TENM3: variants seen among roughly 807,000 people sequenced by gnomAD.
TENM3 encodes teneurin-3.
TENM3 carries 63 observed loss-of-function variants against 255.1 expected under a neutral mutation model. The observed-to-expected ratio is 0.25, with a 90% confidence interval of 0.20 to 0.30. The LOEUF (loss-of-function observed/expected upper bound fraction) is 0.30. TENM3 is among the 10% of genes least tolerant of loss of function. The pLI is 1.00. For missense variants in TENM3, 2,929 were observed against 3,461.1 expected, an observed-to-expected ratio of 0.85 and a Z score of 3.86; for synonymous variants, 1,306 against 1,322.3, an observed-to-expected ratio of 0.99 and a Z score of 0.27.
intron 3 of TENM3, among the ~76,000 whole-genome samples, chr4:182,551,580 T>A (rs1245785562): frequency 6.6e-6 from 1 of 152,098 alleles, no homozygotes; most frequent in Non-Finnish European, 1.5e-5. Flanking sequence ...AGGAATAAAA[T>A]TAAAATTATA....
At chr4:182,736,043 G>A (rs1761136008) in intron 16 of TENM3, among the ~76,000 whole-genome samples, 1 of 152,090 alleles carries the variant, frequency 6.6e-6, no homozygotes, top group Admixed American at 6.5e-5. Flanking sequence ...TAACATATTA[G>A]TTGCTCTCTA....
At chr4:182,377,955 G>A (rs768665730) in intron 3 of TENM3, among the ~76,000 whole-genome samples, 2 of 152,074 alleles carry the variant, frequency 1.3e-5, no homozygotes, top group Non-Finnish European at 2.9e-5. Context: ...CTGCGATTTC[G>A]GATGGCATGC....
chr4:181,545,324 T>A, the TENM3 span, among the ~76,000 whole-genome samples: 1 of 152,208 alleles, frequency 6.6e-6, no homozygotes, highest in Non-Finnish European at 1.5e-5. Context: ...AGTGTCCCAT[T>A]TGAAACACTT....
chr4:181,881,897 C>A, the TENM3 span, among the ~76,000 whole-genome samples: 1 of 152,144 alleles, frequency 6.6e-6, no homozygotes, highest in Non-Finnish European at 1.5e-5. Context: ...TAGTTTCAAA[C>A]TTTTAATGAC....
At chr4:181,736,019 C>A in the TENM3 span, among the ~76,000 whole-genome samples, 1 of 152,072 alleles carries the variant, frequency 6.6e-6, no homozygotes, top group Non-Finnish European at 1.5e-5. Flanking sequence ...AAATTTTGGC[C>A]GGGCATGGTG....
At chr4:181,581,203 GGCCGAGGCT>G in the TENM3 span, among the ~76,000 whole-genome samples, 2 of 152,198 alleles carry the variant, frequency 1.3e-5, no homozygotes, top group Non-Finnish European at 2.9e-5. Context: ...CACTTTGGGA[GGCCGAGGCT>G]GGTGGATCGC....
the TENM3 span, among the ~76,000 whole-genome samples, chr4:181,550,272 T>A: frequency 2.6e-5 from 4 of 152,198 alleles, no homozygotes; most frequent in African/African-American, 9.6e-5. Flanking sequence ...TTTTCAGGAA[T>A]CTAAATTTCA....
the TENM3 span, among the ~76,000 whole-genome samples, chr4:181,745,349 T>C: frequency 6.6e-6 from 1 of 152,158 alleles, no homozygotes; most frequent in Non-Finnish European, 1.5e-5. Flanking sequence ...AGACTGCTCA[T>C]TGAAGGAATT....
chr4:182,768,868 T>C (rs570525900), intron 22 of TENM3, among the ~76,000 whole-genome samples: 1 of 152,140 alleles, frequency 6.6e-6, no homozygotes, highest in Non-Finnish European at 1.5e-5. Flanking sequence ...CGAGAGTCCT[T>C]TGTAAAGAGG....
At chr4:182,550,361 A>G (rs1406290859) in intron 3 of TENM3, among the ~76,000 whole-genome samples, 1 of 152,224 alleles carries the variant, frequency 6.6e-6, no homozygotes, top group Non-Finnish European at 1.5e-5. Flanking sequence ...GAATAATTAC[A>G]TATATTGGTT....
intron 3 of TENM3, among the ~76,000 whole-genome samples, chr4:182,478,536 A>G (rs1289102632): frequency 6.6e-6 from 1 of 151,856 alleles, no homozygotes; most frequent in Non-Finnish European, 1.5e-5. Context: ...ATTTTTTTGT[A>G]GCCCTCACCG....
At chr4:182,491,569 T>C (rs1164944844) in intron 3 of TENM3, among the ~76,000 whole-genome samples, 2 of 152,210 alleles carry the variant, frequency 1.3e-5, no homozygotes, top group African/African-American at 2.4e-5. Context: ...TAGTGGCGGA[T>C]AGTGTTTTCA....
At chr4:182,029,196 A>G in the TENM3 span, among the ~76,000 whole-genome samples, 11 of 152,056 alleles carry the variant, frequency 7.2e-5, no homozygotes, top group Non-Finnish European at 1.6e-4. Context: ...GATCAAGAGA[A>G]CAAGCAGGGG....
the TENM3 span, among the ~76,000 whole-genome samples, chr4:181,495,334 G>A: frequency 6.6e-6 from 1 of 152,108 alleles, no homozygotes; most frequent in Non-Finnish European, 1.5e-5. Flanking sequence ...TGCCTACAAC[G>A]TTCTGGAGGG....
At chr4:181,668,048 G>A in the TENM3 span, among the ~76,000 whole-genome samples, 1 of 152,172 alleles carries the variant, frequency 6.6e-6, no homozygotes, top group Non-Finnish European at 1.5e-5. Flanking sequence ...ATGAAGGCAA[G>A]AATTTTTATC....
At chr4:181,791,559 G>A in the TENM3 span, among the ~76,000 whole-genome samples, 7 of 152,166 alleles carry the variant, frequency 4.6e-5, no homozygotes, top group East Asian at 1.2e-3. Flanking sequence ...AAGAATAAAA[G>A]TAATTGGTAA....
intron 1 of TENM3, among the ~76,000 whole-genome samples, chr4:182,300,958 T>TA (rs974407191): frequency 3.9e-5 from 6 of 152,210 alleles, no homozygotes; most frequent in Non-Finnish European, 8.8e-5. Flanking sequence ...GATTTATTTT[T>TA]AAAAAAGTGT....
At chr4:182,196,224 G>T (rs1232201622) in intron 1 of TENM3, among the ~76,000 whole-genome samples, 1 of 152,110 alleles carries the variant, frequency 6.6e-6, no homozygotes, top group Non-Finnish European at 1.5e-5. Context: ...TTTCCCCGGA[G>T]TCTCTTCCGC....
the TENM3 span, among the ~76,000 whole-genome samples, chr4:181,794,515 C>T: frequency 2.6e-5 from 4 of 152,148 alleles, no homozygotes; most frequent in Non-Finnish European, 4.4e-5. Context: ...TTTTTAGATT[C>T]CACATACAAG....
Sources: allele counts gnomAD v4.1 joint callset (sites outside exome capture counted in the v4.1 genomes callset), GRCh38; gene constraint gnomAD v4.1.1; transcripts MANE v1.5; gene names NCBI Gene and HGNC (gene_info 2026-07-23, HGNC 2026-07-21).